The following ALKAL1 variants were observed in gnomAD, a reference collection of about 807,000 sequenced individuals.
The protein encoded by ALKAL1 is ALK and LTK ligand 1.
Under a neutral mutation model 13.5 loss-of-function variants are expected in ALKAL1, and 23 were observed. That is an observed-to-expected ratio of 1.70 (90% CI 1.23 to 2.41). The LOEUF (loss-of-function observed/expected upper bound fraction) is 2.41. Ranked by LOEUF, ALKAL1 falls within the 30% of genes most tolerant of loss-of-function variation. The pLI is 0.00. For synonymous variants in ALKAL1, 85 were observed against 77.7 expected (o/e 1.09, Z -0.49); for missense variants, 181 against 178.4 (o/e 1.01, Z -0.08).
At chr8:52,556,406 G>C (rs1313590061) in intron 1 of ALKAL1, among the ~76,000 whole-genome samples, 3 of 152,060 alleles carry the variant, frequency 2.0e-5, no homozygotes, top group Non-Finnish European at 4.4e-5. Context: ...CCAGCACTTT[G>C]GGAGGCCGAG....
chr8:52,538,337 C>T (rs945137107), intron 4 of ALKAL1, 94 bp downstream of exon 4: 7 of 718,484 alleles, frequency 9.7e-6, no homozygotes, highest in Non-Finnish European at 9.7e-6. Flanking sequence ...TAAATATGTA[C>T]AATCATTATG....
intron 2 of ALKAL1, among the ~76,000 whole-genome samples, chr8:52,541,597 AT>A (rs1847312830): frequency 6.6e-6 from 1 of 152,046 alleles, no homozygotes; most frequent in African/African-American, 2.4e-5. Flanking sequence ...GTGAAACCCC[AT>A]CTCTACTAAA....
intron 1 of ALKAL1, among the ~76,000 whole-genome samples, chr8:52,554,350 C>T (rs1002171060): frequency 5.3e-5 from 8 of 152,278 alleles, no homozygotes; most frequent in South Asian, 4.1e-4. Context: ...TTGGTACTTG[C>T]GGAAAACACA....
At chr8:52,553,454 C>G (rs984859010) in intron 1 of ALKAL1, among the ~76,000 whole-genome samples, 1 of 152,188 alleles carries the variant, frequency 6.6e-6, no homozygotes, top group Non-Finnish European at 1.5e-5. Context: ...CATATCAAAT[C>G]AGACTCTGTA....
At chr8:52,563,224 C>T (rs1427680927) in intron 1 of ALKAL1, among the ~76,000 whole-genome samples, 1 of 152,100 alleles carries the variant, frequency 6.6e-6, no homozygotes, top group Non-Finnish European at 1.5e-5. Context: ...TCGAGACCAG[C>T]CTAGCGCAAC....
chr8:52,552,193 T>C (rs759880960), intron 1 of ALKAL1, among the ~76,000 whole-genome samples: 3 of 152,220 alleles, frequency 2.0e-5, no homozygotes, highest in Admixed American at 6.5e-5. Flanking sequence ...TTGTAGAATG[T>C]CCCTCATTTG....
At position 52,556,634 on chromosome 8, in the gene ALKAL1, G is replaced by A. The variant is rs1018660616; in HGVS notation, c.190+8433C>T. On this transcript the variant is annotated intron_variant, in intron 1 of 4. Coordinates refer to ENST00000358543, the MANE Select transcript of ALKAL1 (RefSeq NM_207413.4). ...TGCACTCCAGCCTGGGCGACAGAGC[G>A]AAACTCTGTCTCAAAAAAAAAAAAA... is the stretch of plus-strand genomic sequence containing the variant. Among the ~76,000 whole-genome samples the A allele has an allele frequency of 5.1e-4, 47 of 92,422 alleles. 1 individual carries two copies. Among genetic ancestry groups the A allele is most frequent in the East Asian group, 2.9e-3 (7 of 2,426 alleles). The allele number at this position is 92,422 out of a possible 152,430, so 60.6% of individuals were successfully genotyped here.
chr8:52,559,694 T>G (rs961224849), intron 1 of ALKAL1, among the ~76,000 whole-genome samples: 3 of 152,188 alleles, frequency 2.0e-5, no homozygotes, highest in Non-Finnish European at 1.5e-5. Flanking sequence ...CAACTACTGC[T>G]CTAGAAGGTA....
At chr8:52,538,939 C>T (rs1306044066) in intron 3 of ALKAL1, among the ~76,000 whole-genome samples, 4 of 150,674 alleles carry the variant, frequency 2.7e-5, no homozygotes, top group Non-Finnish European at 5.9e-5. Context: ...ATTTAGAAGC[C>T]GGGTTGTAAG....
intron 2 of ALKAL1, among the ~76,000 whole-genome samples, chr8:52,540,346 C>G (rs1473274215): frequency 6.6e-6 from 1 of 152,094 alleles, no homozygotes; most frequent in Non-Finnish European, 1.5e-5. Context: ...TAATTTGTGT[C>G]TTATTACTGT....
intron 1 of ALKAL1, among the ~76,000 whole-genome samples, chr8:52,554,866 G>T (rs1847465699): frequency 6.6e-6 from 1 of 152,170 alleles, no homozygotes; most frequent in Non-Finnish European, 1.5e-5. Flanking sequence ...TATCCAGCAG[G>T]CCAAGTAAGA....
chr8:52,565,355 C>G lies in ALKAL1; in HGVS notation c.-99G>C. The G allele has an allele frequency of 5.0e-6, 5 of 992,254 alleles. No individual in the cohort carries two copies. Among genetic ancestry groups the G allele is most frequent in the Non-Finnish European group, 5.3e-6 (4 of 756,320 alleles). The allele number at this position is 992,254 out of a possible 1,614,324, so 61.5% of individuals were successfully genotyped here. A position where few individuals can be genotyped will look rare whatever the true frequency, so the allele number is the denominator to read the frequency against. The stretch of plus-strand genomic sequence containing the variant: ...AGAGAAGGCCAGCGGGACCACAGCG[C>G]GGCTACGCGGCCGGCCGCAGTCTTC... On this transcript the variant is annotated 5_prime_UTR_variant, in exon 1 of 5. Coordinates refer to ENST00000358543, the MANE Select transcript of ALKAL1 (RefSeq NM_207413.4).
chr8:52,539,121 T>A (rs1847289798), intron 3 of ALKAL1, among the ~76,000 whole-genome samples: 1 of 151,972 alleles, frequency 6.6e-6, no homozygotes, highest in African/African-American at 2.4e-5. Context: ...TTGAAAAAAA[T>A]TATAACAAAT....
At chr8:52,557,903 C>A (rs192858830) in intron 1 of ALKAL1, among the ~76,000 whole-genome samples, 1 of 148,822 alleles carries the variant, frequency 6.7e-6, no homozygotes, top group Admixed American at 6.7e-5. Context: ...GAGGTCGAGG[C>A]TGCAGTGAGC....
chr8:52,564,647 C>G (rs1304827114), intron 1 of ALKAL1, among the ~76,000 whole-genome samples: 1 of 152,176 alleles, frequency 6.6e-6, no homozygotes, highest in African/African-American at 2.4e-5. Flanking sequence ...GGGAAAGGGG[C>G]ATTCCTGGCA....
intron 1 of ALKAL1, among the ~76,000 whole-genome samples, chr8:52,547,551 G>A (rs538958782): frequency 1.8e-4 from 27 of 151,996 alleles, no homozygotes; most frequent in South Asian, 1.7e-3. Context: ...AAAACTCCCC[G>A]CAAACAATGA....
intron 1 of ALKAL1, among the ~76,000 whole-genome samples, chr8:52,555,118 C>T (rs963140193): frequency 3.3e-5 from 5 of 151,220 alleles, no homozygotes; most frequent in African/African-American, 4.9e-5. Flanking sequence ...TTGCAGTGAG[C>T]CGAGATTGCG....
Position 52,534,307 on chromosome 8 carries a change from T to C in ALKAL1, c.*306A>G. On this transcript the variant is annotated 3_prime_UTR_variant, in exon 5 of 5. Transcript: ENST00000358543. ...ATGTTTAATTAGAATGTTAACCATA[T>C]AAAGAAAATAATATATCTAGTAAAA... 4.1e-6 allele frequency: 1 copy of C among 241,410 alleles called. No individual in the cohort carries two copies. The highest frequency in any genetic ancestry group is 2.2e-5 in the African/African-American group (1 of 45,086). 15.0% of individuals were successfully genotyped at this position (241,410 alleles called of 1,614,324 possible).
At chr8:52,548,879 A>G (rs1847400286) in intron 1 of ALKAL1, among the ~76,000 whole-genome samples, 1 of 152,130 alleles carries the variant, frequency 6.6e-6, no homozygotes, top group Admixed American at 6.5e-5. Context: ...AGATGTGCAT[A>G]TATATGTACA....
Sources: gnomAD v4.1 joint callset for allele counts (sites outside exome capture counted in the v4.1 genomes callset) on GRCh38, gnomAD v4.1.1 for gene constraint, MANE v1.5 for transcripts, NCBI Gene and HGNC (gene_info 2026-07-23, HGNC 2026-07-21) for gene names.